The following GK5 variants were observed in gnomAD, a reference collection of about 807,000 sequenced individuals.
GK5 encodes the protein glycerol kinase 5.
Under a neutral mutation model 77.3 loss-of-function variants are expected in GK5, and 39 were observed. That is an observed-to-expected ratio of 0.50 (90% CI 0.39 to 0.66). GK5 has a LOEUF of 0.66. Among genes scored for constraint, GK5 ranks in the 30% least tolerant of loss-of-function variants. The pLI is 0.00. For missense variants in GK5, 487 were observed against 633.8 expected (o/e 0.77, Z 2.49); for synonymous variants, 211 against 208.0 (o/e 1.01, Z -0.13).
At chr3:142,221,286 C>T (rs529658980) in intron 1 of GK5, among the ~76,000 whole-genome samples, 1 of 152,318 alleles carries the variant, frequency 6.6e-6, no homozygotes, top group East Asian at 1.9e-4. Context: ...CTAGGCAAGG[C>T]TTTTATGACT....
intron 3 of GK5, among the ~76,000 whole-genome samples, chr3:142,206,401 T>C (rs1376604961): frequency 6.6e-6 from 1 of 152,224 alleles, no homozygotes; most frequent in Non-Finnish European, 1.5e-5. Flanking sequence ...GGTTCCAATT[T>C]TTCCAAATCC....
intron 5 of GK5, among the ~76,000 whole-genome samples, chr3:142,193,483 CAAA>C (rs1161095979): frequency 1.4e-5 from 1 of 70,906 alleles, no homozygotes. Context: ...TTGTCTGCTA[CAAA>C]AAAAAAAAAA....
intron 2 of GK5, among the ~76,000 whole-genome samples, chr3:142,214,228 A>G (rs898483957): frequency 2.0e-5 from 3 of 152,236 alleles, no homozygotes; most frequent in Non-Finnish European, 4.4e-5. Flanking sequence ...CTTGGTAATA[A>G]TAAGATTGGA....
intron 4 of GK5, 84 bp downstream of exon 4, chr3:142,204,611 A>C: frequency 1.2e-6 from 1 of 844,278 alleles, no homozygotes; most frequent in Non-Finnish European, 2.1e-6. Flanking sequence ...TCCTAAAACA[A>C]AATAGGTAGG....
At chr3:142,176,392 A>G (rs2063610715) in intron 12 of GK5, among the ~76,000 whole-genome samples, 1 of 152,240 alleles carries the variant, frequency 6.6e-6, no homozygotes, top group African/African-American at 2.4e-5. Context: ...TTGGAGGAGG[A>G]TTAAAAATAG....
At chr3:142,196,260 T>A (rs1560224781) in intron 5 of GK5, among the ~76,000 whole-genome samples, 1 of 152,212 alleles carries the variant, frequency 6.6e-6, no homozygotes, top group South Asian at 2.1e-4. Flanking sequence ...AAGAAGCAAC[T>A]TTCGGTTTTA....
intron 4 of GK5, among the ~76,000 whole-genome samples, chr3:142,202,595 A>G (rs1363056984): frequency 6.6e-6 from 1 of 152,232 alleles, no homozygotes; most frequent in Non-Finnish European, 1.5e-5. Context: ...TGCATGTTCA[A>G]TATCAAGTAG....
chr3:142,158,309 C>T lies in GK5; in HGVS notation c.*7313G>A, dbSNP rs188717524. ...CCCAGGATATCCTCAAACTCCTGGG[C>T]TCAAGTGATTCTCCAGCCTCAGCCT... On this transcript the variant is annotated 3_prime_UTR_variant, in exon 16 of 16. Coordinates refer to ENST00000392993, the MANE Select transcript of GK5 (RefSeq NM_001039547.3). 1 of 151,878 alleles carries T rather than the reference C, an allele frequency of 6.6e-6. No individual in the cohort carries two copies. Among genetic ancestry groups the T allele is most frequent in the African/African-American group, 2.4e-5 (1 of 41,308 alleles). The allele number at this position is 151,878 out of a possible 1,614,324, so 9.4% of individuals were successfully genotyped here. A position where few individuals can be genotyped will look rare whatever the true frequency, so the allele number is the denominator to read the frequency against.
intron 3 of GK5, among the ~76,000 whole-genome samples, chr3:142,211,941 T>C (rs2064193263): frequency 6.6e-6 from 1 of 152,192 alleles, no homozygotes; most frequent in South Asian, 2.1e-4. Context: ...CTACCTACTC[T>C]CACTACTACC....
intron 12 of GK5, chr3:142,173,252 A>G: frequency 2.4e-6 from 1 of 410,796 alleles, no homozygotes; most frequent in South Asian, 1.8e-5. Flanking sequence ...TAATAGCCTT[A>G]CTGCCTAATA....
At position 142,158,718 on chromosome 3, in the gene GK5, C is replaced by T. The variant is rs1480366527; in HGVS notation, c.*6904G>A. The T allele has an allele frequency of 6.6e-6, 1 of 152,520 alleles. No homozygotes were observed. The highest frequency in any genetic ancestry group is 1.5e-5 in the Non-Finnish European group (1 of 68,012). The allele number at this position is 152,520 out of a possible 1,614,324, so 9.4% of individuals were successfully genotyped here. A position where few individuals can be genotyped will look rare whatever the true frequency, so the allele number is the denominator to read the frequency against. On this transcript the variant is annotated 3_prime_UTR_variant, in exon 16 of 16. Transcript: ENST00000392993. ...CCATCTTGTACAAATAGGAAAGTTT[C>T]TAATAACTTATTAACAAAATCATTC...
rs1362791529 is a variant in GK5, at chr3:142,225,432, C to T, written c.24G>A (p.Pro8=). MSGLLTD[P]EQRAQEPRYP... ...ACCGCGGCTCCTGCGCTCTCTGCTC[C>T]GGGTCCGTGAGCAGCCCCGACATCC... Residue 8 remains proline, a synonymous_variant, in exon 1 of 16, where the codon CCG becomes CCA. Transcript: ENST00000392993. 2.5e-6 allele frequency: 4 copies of T among 1,602,996 alleles called. No individual in the cohort carries two copies. The highest frequency in any genetic ancestry group is 3.4e-5 in the Admixed American group (2 of 59,534).
intron 1 of GK5, among the ~76,000 whole-genome samples, chr3:142,220,043 A>T (rs2064320482): frequency 6.6e-6 from 1 of 152,258 alleles, no homozygotes; most frequent in Non-Finnish European, 1.5e-5. Context: ...ATATGCATGT[A>T]TCTCCAATTC....
rs1553825247 is a variant in GK5 at position 142,159,853 on chromosome 3, C to CTCTCTTTTTTTTTTTTT, written c.*5768_*5769insAAAAAAAAAAAAAGAGA. The stretch of plus-strand genomic sequence containing the variant: ...TTTCTCTCTCTCTCTCTCTCTCTCT[C>CTCTCTTTTTTTTTTTTT]TTTTTTTTTTTTGAGACAGAGTCTC... On this transcript the variant is annotated 3_prime_UTR_variant, in exon 16 of 16. Transcript: ENST00000392993. 1 of 106,122 alleles carries CTCTCTTTTTTTTTTTTT rather than the reference C, an allele frequency of 9.4e-6. No homozygotes were observed. The highest frequency in any genetic ancestry group is 4.1e-5 in the African/African-American group (1 of 24,254). The allele number at this position is 106,122 out of a possible 1,614,324, so 6.6% of individuals were successfully genotyped here. A position where few individuals can be genotyped will look rare whatever the true frequency, so the allele number is the denominator to read the frequency against.
intron 6 of GK5, among the ~76,000 whole-genome samples, chr3:142,186,999 G>A (rs1021230577): frequency 1.5e-4 from 23 of 152,180 alleles, no homozygotes; most frequent in African/African-American, 5.3e-4. Context: ...AACTTTTATA[G>A]TTGTGCAAAA....
In GK5 at chr3:142,186,180, ATG is replaced by A; in HGVS notation, c.755+12_755+13del. ...ACCATTGTGCTGGTTACTATGTCTGATGTTTATTATTACCTTGTGTCCCTCAC... is the reference window on the plus strand; with the variant it reads ...ACCATTGTGCTGGTTACTATGTCTGATTTATTATTACCTTGTGTCCCTCAC... On this transcript the variant is annotated intron_variant, in intron 8 of 15. Coordinates refer to ENST00000392993, the MANE Select transcript of GK5 (RefSeq NM_001039547.3). 6.7e-7 allele frequency: 1 copy of A among 1,492,888 alleles called. No individual in the cohort carries two copies. The highest frequency in any genetic ancestry group is 9.3e-7 in the Non-Finnish European group (1 of 1,071,640). The allele number at this position is 1,492,888 out of a possible 1,614,324, so 92.5% of individuals were successfully genotyped here.
chr3:142,184,937 G>A, intron 9 of GK5: 1 of 985,364 alleles, frequency 1.0e-6, no homozygotes, highest in Non-Finnish European at 1.2e-6. Flanking sequence ...CTGCACCTAT[G>A]CCTAGATTGA....
At chr3:142,177,848 GTTT>G (rs1262581032) in intron 11 of GK5, among the ~76,000 whole-genome samples, 1 of 145,858 alleles carries the variant, frequency 6.9e-6, no homozygotes, top group African/African-American at 2.5e-5. Context: ...CAGGACTTAC[GTTT>G]TTTTTCTTTT....
chr3:142,223,807 C>T (rs1282199504), intron 1 of GK5, among the ~76,000 whole-genome samples: 3 of 152,204 alleles, frequency 2.0e-5, no homozygotes, highest in African/African-American at 4.8e-5. Context: ...CATTGCACTC[C>T]AGCCTGGGTG....
Sources: allele counts gnomAD v4.1 joint callset (sites outside exome capture counted in the v4.1 genomes callset), GRCh38; gene constraint gnomAD v4.1.1; transcripts MANE v1.5; gene names NCBI Gene and HGNC (gene_info 2026-07-23, HGNC 2026-07-21).